The following RASGRF1 variants were observed in gnomAD, a reference collection of about 807,000 sequenced individuals.
RASGRF1 encodes the protein ras-specific guanine nucleotide-releasing factor 1.
RASGRF1 carries 40 observed loss-of-function variants against 138.7 expected under a neutral mutation model. The ratio of observed to expected loss-of-function variants is 0.29; its 90% confidence interval spans 0.22 to 0.38. The LOEUF is 0.38. RASGRF1 is among the 10% of genes least tolerant of loss of function. The pLI, the probability that RASGRF1 is intolerant of heterozygous loss-of-function variation, is 1.00. For synonymous variants in RASGRF1, 614 were observed against 663.2 expected (o/e 0.93, Z 1.14); for missense variants, 1,108 against 1,650.4 (o/e 0.67, Z 5.69).
intron 1 of RASGRF1, among the ~76,000 whole-genome samples, chr15:79,077,980 T>C (rs55964941): frequency 0.34 from 51,211 of 151,950 alleles, 9,989 homozygotes; most frequent in South Asian, 0.59. Flanking sequence ...CCCACTCTGC[T>C]GCTCTGGTTA....
chr15:78,980,432 T>C (rs973976322), intron 24 of RASGRF1, 188 bp downstream of exon 24: 2 of 458,996 alleles, frequency 4.4e-6, no homozygotes, highest in East Asian at 6.2e-5. Context: ...TAGCAAACTC[T>C]GGAGTTTCTC....
intron 14 of RASGRF1, chr15:79,004,579 G>A: frequency 1.0e-6 from 1 of 959,954 alleles, no homozygotes; most frequent in South Asian, 4.8e-5. Flanking sequence ...TGTGGAATGA[G>A]GAAGCTGAGG....
At chr15:78,997,736 CAAAAA>C (rs33965910) in intron 19 of RASGRF1, among the ~76,000 whole-genome samples, 1 of 112,416 alleles carries the variant, frequency 8.9e-6, no homozygotes. Flanking sequence ...GACTTCGCCT[CAAAAA>C]AAAAAAAAAA....
intron 26 of RASGRF1, among the ~76,000 whole-genome samples, chr15:78,970,621 C>CAAAAAAAAAAAAAAAAAAAAAA (rs55689628): frequency 3.8e-4 from 22 of 57,876 alleles, no homozygotes; most frequent in Admixed American, 1.1e-3. Flanking sequence ...GACTCTGTCT[C>CAAAAAAAAAAAAAAAAAAAAAA]AAAAAAAAAA....
chr15:78,996,089 C>T (rs773519420), intron 19 of RASGRF1, among the ~76,000 whole-genome samples: 1 of 152,186 alleles, frequency 6.6e-6, no homozygotes, highest in African/African-American at 2.4e-5. Flanking sequence ...GAGGGAGGGA[C>T]GGTGTCTGAT....
At chr15:79,016,434 C>T (rs560271920) in intron 12 of RASGRF1, among the ~76,000 whole-genome samples, 1 of 152,368 alleles carries the variant, frequency 6.6e-6, no homozygotes, top group Non-Finnish European at 1.5e-5. Flanking sequence ...ACAAAGAAGA[C>T]TTGGCCATGG....
chr15:79,087,608 C>T (rs566932462), intron 1 of RASGRF1, among the ~76,000 whole-genome samples: 1 of 152,362 alleles, frequency 6.6e-6, no homozygotes, highest in African/African-American at 2.4e-5. Context: ...TAGGCTCAAG[C>T]CTGGTCACAG....
In RASGRF1 at chr15:79,027,805, G is replaced by A. The variant is rs770607726; in HGVS notation, c.1317C>T (p.Ile439=). ...ETENIRKNLA[I]ERMIIEGCEI... is the part of the protein sequence containing the mutation. ...CACAGCCTTCGATGATCATGCGCTCGATGGCCAGGTTTTTCCGGATGTTCT... is the reference window on the plus strand; with the variant it reads ...CACAGCCTTCGATGATCATGCGCTCAATGGCCAGGTTTTTCCGGATGTTCT... The change falls in exon 9 of 27, where the codon ATC becomes ATT. Residue 439 remains isoleucine, a synonymous_variant. Transcript: ENST00000558480. The surrounding 1 kb of genome is among the most constrained non-coding windows in gnomAD (Gnocchi z 4.8). 18 of 1,614,100 alleles carry A rather than the reference G, an allele frequency of 1.1e-5. No individual in the cohort carries two copies. The highest frequency in any genetic ancestry group is 1.0e-4 in the Admixed American group (6 of 60,008).
chr15:79,011,204 C>T (rs185322342), intron 13 of RASGRF1, among the ~76,000 whole-genome samples: 10 of 152,240 alleles, frequency 6.6e-5, no homozygotes, highest in East Asian at 3.9e-4. Flanking sequence ...CCTTGCCGGT[C>T]GCGTTACCGT....
At position 78,962,270 on chromosome 15, in the gene RASGRF1, G is replaced by A. The variant is rs954501720; in HGVS notation, c.3682-34C>T. The A allele has an allele frequency of 5.1e-6, 7 of 1,371,052 alleles. No individual in the cohort carries two copies. In the Admixed American group the frequency reaches 1.4e-4, roughly 27 times the overall value. 84.9% of individuals were successfully genotyped at this position (1,371,052 alleles called of 1,614,324 possible). Reference sequence around the variant, plus strand: ...AGAAAAGAGAAAAGGGAATGGGAGGGTTGTGGGACCTCCATAGTACTGATT... The same window carrying A: ...AGAAAAGAGAAAAGGGAATGGGAGGATTGTGGGACCTCCATAGTACTGATT... On this transcript the variant is annotated intron_variant, in intron 26 of 26. Transcript: ENST00000558480.
chr15:79,008,774 G>A (rs2141734913), intron 13 of RASGRF1, among the ~76,000 whole-genome samples: 1 of 152,288 alleles, frequency 6.6e-6, no homozygotes, highest in African/African-American at 2.4e-5. Context: ...GTGAGACAAA[G>A]TAGCAAACGA....
intron 1 of RASGRF1, among the ~76,000 whole-genome samples, chr15:79,080,626 A>C (rs2057901884): frequency 1.3e-5 from 2 of 152,170 alleles, no homozygotes; most frequent in African/African-American, 4.8e-5. Context: ...TCTAAAACTG[A>C]TTTTGAAAGG....
intron 13 of RASGRF1, among the ~76,000 whole-genome samples, chr15:79,010,024 CTTTG>C (rs1288449639): frequency 3.9e-4 from 56 of 143,822 alleles, no homozygotes; most frequent in African/African-American, 8.3e-4. Flanking sequence ...CACCCAGCCT[CTTTG>C]TTTGTTTTTT....
chr15:79,063,641 C>T (rs1049007965), intron 2 of RASGRF1, among the ~76,000 whole-genome samples: 7 of 152,214 alleles, frequency 4.6e-5, no homozygotes, highest in South Asian at 2.1e-4. Context: ...CACATCTGGT[C>T]GCTGCCCTCA....
Position 78,978,221 on chromosome 15 carries a change from T to TTTTC in RASGRF1, c.3494+2398_3494+2399insGAAA, listed in dbSNP as rs2055919664. On this transcript the variant is annotated intron_variant, in intron 24 of 26. Coordinates refer to ENST00000558480, the MANE Select transcript of RASGRF1 (RefSeq NM_001145648.3). ...TTCTTTTTCTTTTTCTTTTCTTTTGTTTTTTTTTTTTTTTTTTTTTTTTGA... is the reference window on the plus strand; with the variant it reads ...TTCTTTTTCTTTTTCTTTTCTTTTGTTTTCTTTTTTTTTTTTTTTTTTTTTTTGA... 1.3e-3 allele frequency among the ~76,000 whole-genome samples: 20 copies of TTTTC among 15,470 alleles called. 2 individuals are homozygous for TTTTC. The highest frequency in any genetic ancestry group is 1.5e-3 in the Non-Finnish European group (9 of 6,074). 10.1% of individuals were successfully genotyped at this position (15,470 alleles called of 152,430 possible). A position where few individuals can be genotyped will look rare whatever the true frequency, so the allele number is the denominator to read the frequency against.
chr15:79,013,511 G>T (rs1052199873), intron 13 of RASGRF1, among the ~76,000 whole-genome samples: 7 of 152,240 alleles, frequency 4.6e-5, no homozygotes, highest in African/African-American at 1.4e-4. Flanking sequence ...ATCATATTCT[G>T]CATTAAACGC....
chr15:79,003,119 A>C (rs764399464), intron 15 of RASGRF1, among the ~76,000 whole-genome samples: 1 of 152,234 alleles, frequency 6.6e-6, no homozygotes, highest in African/African-American at 2.4e-5. Flanking sequence ...CACACTCAGC[A>C]TTCCAGGTCT....
chr15:79,047,809 G>A (rs776426106), intron 4 of RASGRF1, among the ~76,000 whole-genome samples: 2 of 152,188 alleles, frequency 1.3e-5, no homozygotes, highest in South Asian at 2.1e-4. Flanking sequence ...CAAGCTCACG[G>A]TCCACACTGG....
At chr15:79,060,598 C>T (rs555253438) in intron 2 of RASGRF1, among the ~76,000 whole-genome samples, 1 of 152,280 alleles carries the variant, frequency 6.6e-6, no homozygotes, top group East Asian at 1.9e-4. Flanking sequence ...ACACGTCTGT[C>T]AAATGGGCTG....
Sources: gnomAD v4.1 joint callset for allele counts (sites outside exome capture counted in the v4.1 genomes callset) on GRCh38, gnomAD v4.1.1 for gene constraint, Gnocchi (gnomAD v3.1) non-coding constraint, MANE v1.5 for transcripts, NCBI Gene and HGNC (gene_info 2026-07-23, HGNC 2026-07-21) for gene names.